Variants in SNX29 observed in about 807,000 individuals in gnomAD.
SNX29 encodes sorting nexin-29.
In SNX29, 78 loss-of-function variants were observed where a neutral mutation model predicts 102.1. The ratio of observed to expected loss-of-function variants is 0.76; its 90% CI spans 0.64 to 0.92. The LOEUF (loss-of-function observed/expected upper bound fraction) is 0.92, where lower values mean the gene tolerates loss of function less well. SNX29 is among the 40% of genes least tolerant of loss of function. The probability of loss-of-function intolerance (pLI) is 0.00; values close to 1 mark genes in which losing one functional copy is unlikely to be tolerated. For missense variants in SNX29, 1,280 were observed against 1,061.7 expected, an observed-to-expected ratio of 1.21 and a Z score of -2.86; for synonymous variants, 580 against 414.5, an observed-to-expected ratio of 1.40 and a Z score of -4.85.
chr16:12,360,811 A>G (rs929085016), intron 16 of SNX29, among the ~76,000 whole-genome samples: 1 of 152,166 alleles, frequency 6.6e-6, no homozygotes, highest in African/African-American at 2.4e-5. Flanking sequence ...GACCTGTTGT[A>G]TACTAAGAAC....
At position 12,015,388 on chromosome 16, in the gene SNX29, G is replaced by A. The variant is rs543747086; in HGVS notation, c.123-11932G>A. ...CCGGAGTAGCTGGGATTACAGGCAC[G>A]CACCACCATGCCTGGCTAATTTTTG... On this transcript the variant is annotated intron_variant, in intron 3 of 20. Transcript: ENST00000566228. Among the ~76,000 whole-genome samples the A allele has an allele frequency of 2.3e-3, 345 of 151,940 alleles. 2 individuals are homozygous for A. The highest frequency in any genetic ancestry group is 6.8e-3 in the Middle Eastern group (2 of 292).
chr16:12,534,273 C>T (rs1187325306), intron 20 of SNX29, among the ~76,000 whole-genome samples: 1 of 152,234 alleles, frequency 6.6e-6, no homozygotes, highest in Non-Finnish European at 1.5e-5. Flanking sequence ...CGCCGGCACA[C>T]CTGCCGTCTT....
chr16:12,474,549 A>G (rs2087503126), intron 18 of SNX29, among the ~76,000 whole-genome samples: 1 of 152,216 alleles, frequency 6.6e-6, no homozygotes, highest in Non-Finnish European at 1.5e-5. Flanking sequence ...TGAGGCCTCC[A>G]GGGAGCAAAA....
chr16:12,417,761 C>T (rs992578316), intron 18 of SNX29, among the ~76,000 whole-genome samples: 4 of 152,082 alleles, frequency 2.6e-5, no homozygotes, highest in African/African-American at 9.7e-5. Context: ...CCTCCTCACC[C>T]TTTCCCTTCC....
intron 10 of SNX29, among the ~76,000 whole-genome samples, chr16:12,073,233 C>CT (rs762065488): frequency 2.0e-5 from 3 of 151,986 alleles, no homozygotes; most frequent in Admixed American, 6.6e-5. Flanking sequence ...TTTGCTCTTG[C>CT]TTTTTTTCTA....
chr16:12,219,389 G>C (rs965063939), intron 14 of SNX29, among the ~76,000 whole-genome samples: 2 of 151,934 alleles, frequency 1.3e-5, no homozygotes, highest in Non-Finnish European at 2.9e-5. Context: ...CAACCTTCTG[G>C]GAACAATACT....
At chr16:12,556,896 C>CGGAG (rs1567194399) in intron 20 of SNX29, among the ~76,000 whole-genome samples, 4 of 148,416 alleles carry the variant, frequency 2.7e-5, no homozygotes, top group African/African-American at 1.0e-4. Flanking sequence ...TCTGTCTCCT[C>CGGAG]ACCTTGAGTG....
intron 13 of SNX29, among the ~76,000 whole-genome samples, chr16:12,163,517 A>G (rs2055882680): frequency 6.6e-6 from 1 of 152,184 alleles, no homozygotes; most frequent in African/African-American, 2.4e-5. Flanking sequence ...GCGATGGAGC[A>G]GCACTGAGGA....
intron 15 of SNX29, among the ~76,000 whole-genome samples, chr16:12,354,015 A>G (rs1316068825): frequency 6.6e-6 from 1 of 152,236 alleles, no homozygotes; most frequent in Non-Finnish European, 1.5e-5. Flanking sequence ...AAAAATTCCA[A>G]GAGGCAGTGG....
At chr16:12,102,143 C>G (rs2053049357) in intron 11 of SNX29, among the ~76,000 whole-genome samples, 2 of 152,210 alleles carry the variant, frequency 1.3e-5, no homozygotes, top group Non-Finnish European at 1.5e-5. Context: ...ATATGTGCCG[C>G]ATTTTCTTTA....
chr16:12,524,890 T>A (rs2076736760), intron 20 of SNX29, 49 bp downstream of exon 20: 6 of 1,595,602 alleles, frequency 3.8e-6, no homozygotes, highest in Non-Finnish European at 5.1e-6. Flanking sequence ...CCAGCATTTT[T>A]TTCTCGGTCG....
At chr16:12,452,816 G>A (rs1323164534) in intron 18 of SNX29, among the ~76,000 whole-genome samples, 2 of 152,130 alleles carry the variant, frequency 1.3e-5, no homozygotes, top group Non-Finnish European at 2.9e-5. Context: ...CCTCTGCTCC[G>A]ACATGAGATC....
chr16:12,389,013 T>C (rs2083434083), intron 16 of SNX29, among the ~76,000 whole-genome samples: 2 of 152,194 alleles, frequency 1.3e-5, no homozygotes, highest in Non-Finnish European at 2.9e-5. Flanking sequence ...ATCCTTGATA[T>C]CTCTCAGTGC....
At chr16:12,170,968 C>T (rs536451643) in intron 13 of SNX29, among the ~76,000 whole-genome samples, 204 of 151,960 alleles carry the variant, frequency 1.3e-3, no homozygotes, top group Non-Finnish European at 1.9e-3. Context: ...AGAAAAATCC[C>T]GGCCAGCGTG....
Position 12,572,036 on chromosome 16 carries a change from AGT to A in SNX29, c.*3409_*3410del. ...CTGCTGGCTATAAAAGGGATCATCC[AGT>A]GGAGTTGTAAACAAGGGAACCATCT... On this transcript the variant is annotated 3_prime_UTR_variant, in exon 21 of 21. Coordinates refer to ENST00000566228, the MANE Select transcript of SNX29 (RefSeq NM_032167.5). The A allele has an allele frequency of 9.4e-7, 1 of 1,063,224 alleles. No individual in the cohort carries two copies. Among genetic ancestry groups the A allele is most frequent in the Non-Finnish European group, 1.1e-6 (1 of 877,994 alleles). 65.9% of individuals were successfully genotyped at this position (1,063,224 alleles called of 1,614,324 possible).
chr16:12,130,504 C>T (rs894266347), intron 13 of SNX29, among the ~76,000 whole-genome samples: 2 of 144,236 alleles, frequency 1.4e-5, no homozygotes, highest in African/African-American at 5.2e-5. Flanking sequence ...AAAAAGATAG[C>T]GACTAAAGCA....
intron 20 of SNX29, among the ~76,000 whole-genome samples, chr16:12,538,874 C>T (rs979614105): frequency 1.3e-5 from 2 of 150,678 alleles, no homozygotes; most frequent in Admixed American, 6.6e-5. Flanking sequence ...TAGATGGGGC[C>T]ATTTGTACAC....
At chr16:12,540,076 G>C (rs1446849260) in intron 20 of SNX29, among the ~76,000 whole-genome samples, 1 of 152,116 alleles carries the variant, frequency 6.6e-6, no homozygotes, top group African/African-American at 2.4e-5. Context: ...TTGGTGTCAT[G>C]TCTACCAATT....
intron 20 of SNX29, chr16:12,545,544 C>G (rs183880553): frequency 2.6e-5 from 4 of 152,178 alleles, no homozygotes; most frequent in East Asian, 1.9e-4. Flanking sequence ...TGCCAGCAGA[C>G]GACTTATGGA....
Sources: allele counts gnomAD v4.1 joint callset (sites outside exome capture counted in the v4.1 genomes callset), GRCh38; gene constraint gnomAD v4.1.1; transcripts MANE v1.5; gene names NCBI Gene and HGNC (gene_info 2026-07-23, HGNC 2026-07-21).